SPACA9: variants seen among roughly 807,000 people sequenced by gnomAD.
SPACA9 encodes the protein sperm acrosome-associated protein 9.
A neutral mutation model predicts 12.5 loss-of-function variants in SPACA9; 14 were observed. That is an observed-to-expected ratio of 1.12 (90% CI 0.74 to 1.75). The LOEUF (loss-of-function observed/expected upper bound fraction) is 1.75, where lower values mean the gene tolerates loss of function less well. Among genes scored for constraint, SPACA9 ranks in the 40% most tolerant of loss-of-function variants. SPACA9 has a pLI of 0.00. For synonymous variants in SPACA9, 111 were observed against 114.1 expected (o/e 0.97, Z 0.17); for missense variants, 292 against 291.9 (o/e 1.00, Z 0.00).
chr9:132,888,454 C>T lies in SPACA9; in HGVS notation c.512C>T (p.Ala171Val), dbSNP rs113506942. ...CTGCAGCACGTGAGTGAGCCCCAGG[C>T]GCACCAGGAGAGCACCAGGGGAGCC... is the stretch of plus-strand genomic sequence containing the variant. ...KVLQHVSEPQ[A>V]HQESTRGAAR... is the part of the protein sequence containing the mutation. Residue 171 changes from alanine (A) to valine (V), a missense_variant, in exon 4 of 4, where the codon GCG becomes GTG. Coordinates refer to ENST00000356311, the MANE Select transcript of SPACA9 (RefSeq NM_001316897.2). The surrounding 1 kb of genome is among the most constrained non-coding windows in gnomAD (Gnocchi z 5.0). The T allele has an allele frequency of 1.7e-5, 27 of 1,613,116 alleles. No individual in the cohort carries two copies. Among genetic ancestry groups the T allele is most frequent in the Admixed American group, 5.0e-5 (3 of 59,982 alleles).
In SPACA9 at chr9:132,887,361, C is replaced by T. The variant is rs918421026; in HGVS notation, c.145-8C>T. On this transcript the variant is annotated splice_polypyrimidine_tract_variant and splice_region_variant and intron_variant, in intron 2 of 3. Coordinates refer to ENST00000356311, the MANE Select transcript of SPACA9 (RefSeq NM_001316897.2). The surrounding 1 kb of genome is among the most constrained non-coding windows in gnomAD (Gnocchi z 5.4). Reference sequence around the variant, plus strand: ...TGTCCCCAGCTCATGTGGCGGCGGCCCTTGCAGGTGCAGAGCTACATGGAA... The same window carrying T: ...TGTCCCCAGCTCATGTGGCGGCGGCTCTTGCAGGTGCAGAGCTACATGGAA... 1.2e-5 allele frequency: 19 copies of T among 1,609,242 alleles called. No individual in the cohort carries two copies. The African/African-American group carries it at 2.1e-4, about 18-fold the overall frequency.
Position 132,883,956 on chromosome 9 carries a change from G to C in SPACA9, c.9G>C (p.Glu3Asp), listed in dbSNP as rs1237963888. The change falls in exon 2 of 4, where the codon GAG (glutamate) becomes GAC (aspartate). Residue 3 changes from glutamate to aspartate, a missense_variant. Physicochemically the swap from Glu to Asp is conservative, Grantham distance 45 (BLOSUM62 2). Transcript: ENST00000356311. MN[E>D]VKESLRSIEQ... ...GACCACAGAGGAAGACAATGAATGA[G>C]GTGAAAGAATCCCTTCGCAGCATCG... 1.2e-6 allele frequency: 2 copies of C among 1,614,032 alleles called. No homozygotes were observed. The highest frequency in any genetic ancestry group is 2.2e-5 in the South Asian group (2 of 91,074).
At chr9:132,881,740 C>G (rs1168323040) in intron 1 of SPACA9, among the ~76,000 whole-genome samples, 1 of 151,492 alleles carries the variant, frequency 6.6e-6, no homozygotes, top group Non-Finnish European at 1.5e-5. Context: ...TGGCTCACTG[C>G]AGCCTTGACC....
Position 132,889,574 on chromosome 9 carries a change from TTATA to T in SPACA9, c.*975_*978del. 3 of 334,742 alleles carry T rather than the reference TTATA, an allele frequency of 9.0e-6. No homozygotes were observed. The highest frequency in any genetic ancestry group is 1.3e-5 in the Non-Finnish European group (3 of 236,264). The allele number at this position is 334,742 out of a possible 1,614,324, so 20.7% of individuals were successfully genotyped here. Reference sequence around the variant, plus strand: ...GCGCCCACCACCCCACCTGGCTAATTTATATATATATATATTTTTTAGTAGAGAC... The same window carrying T: ...GCGCCCACCACCCCACCTGGCTAATTTATATATATATTTTTTAGTAGAGAC... On this transcript the variant is annotated 3_prime_UTR_variant, in exon 4 of 4. Transcript: ENST00000356311.
chr9:132,889,303 T>C lies in SPACA9; in HGVS notation c.*692T>C. 1.0e-6 allele frequency: 1 copy of C among 985,726 alleles called. No individual in the cohort carries two copies. 61.1% of individuals were successfully genotyped at this position (985,726 alleles called of 1,614,324 possible). A position where few individuals can be genotyped will look rare whatever the true frequency, so the allele number is the denominator to read the frequency against. ...ATCAAGCTGGAGACCATCTGCTCCT[T>C]GCCCCACCACCAGCCCCAACTGTAG... On this transcript the variant is annotated 3_prime_UTR_variant, in exon 4 of 4. Coordinates refer to ENST00000356311, the MANE Select transcript of SPACA9 (RefSeq NM_001316897.2).
chr9:132,888,788 G>A lies in SPACA9; in HGVS notation c.*177G>A. On this transcript the variant is annotated 3_prime_UTR_variant, in exon 4 of 4. Transcript: ENST00000356311. The surrounding 1 kb of genome is among the most constrained non-coding windows in gnomAD (Gnocchi z 5.0). ...TTGCTTTAACTTCTTTTTTTTTTGA[G>A]ACGGAGTCTCGCTCTGTCGCCCAGG... 1.5e-6 allele frequency: 2 copies of A among 1,357,106 alleles called. No individual in the cohort carries two copies. The highest frequency in any genetic ancestry group is 1.9e-6 in the Non-Finnish European group (2 of 1,048,766). The allele number at this position is 1,357,106 out of a possible 1,614,324, so 84.1% of individuals were successfully genotyped here. A position where few individuals can be genotyped will look rare whatever the true frequency, so the allele number is the denominator to read the frequency against.
Position 132,887,945 on chromosome 9 carries a change from G to A in SPACA9, c.348-345G>A, listed in dbSNP as rs113435170. On this transcript the variant is annotated intron_variant, in intron 3 of 3. Coordinates refer to ENST00000356311, the MANE Select transcript of SPACA9 (RefSeq NM_001316897.2). This position sits in a 1 kb window ranked among gnomAD's most constrained non-coding sequence, Gnocchi z 5.4. ...GAGGGCTCCTCATCCTGACAGCCCG[G>A]GAGCCTGCAGCACAGTGGGCCAGAG... 1.5e-3 allele frequency among the ~76,000 whole-genome samples: 224 copies of A among 152,272 alleles called. 2 individuals carry two copies. The highest frequency in any genetic ancestry group is 2.8e-3 in the Non-Finnish European group (191 of 68,018).
intron 1 of SPACA9, among the ~76,000 whole-genome samples, chr9:132,879,609 C>T (rs1844327740): frequency 6.6e-6 from 1 of 152,176 alleles, no homozygotes; most frequent in Non-Finnish European, 1.5e-5. Flanking sequence ...GAAATAGGCA[C>T]CTTCATTCCC....
At chr9:132,878,701 A>AG (rs1844274814), upstream of SPACA9, 7 of 987,428 alleles carry the variant, frequency 7.1e-6, no homozygotes, top group Non-Finnish European at 8.4e-6. The surrounding 1 kb of genome is among the most constrained non-coding windows in gnomAD (Gnocchi z 4.7). Context: ...TTGAAGGGGG[A>AG]GGGGCGTCCA....
intron 1 of SPACA9, among the ~76,000 whole-genome samples, chr9:132,882,367 G>A (rs538194164): frequency 3.3e-5 from 5 of 152,060 alleles, no homozygotes; most frequent in South Asian, 4.1e-4. Flanking sequence ...CCATCATCTC[G>A]CGGAGGCCAT....
At chr9:132,890,052 T>C, downstream of SPACA9, 2 of 1,367,018 alleles carry the variant, frequency 1.5e-6, no homozygotes, top group Non-Finnish European at 1.9e-6. Flanking sequence ...CTTGGTTTCC[T>C]GGGATTTATC....
Position 132,888,607 on chromosome 9 carries a change from T to A in SPACA9, c.665T>A (p.Leu222Ter). Residue 222 changes from leucine to a stop codon, truncating the protein, a stop_gained, in exon 4 of 4, where the codon TTG becomes TAG. Transcript: ENST00000356311. LOFTEE classifies it high-confidence loss of function. This position sits in a 1 kb window ranked among gnomAD's most constrained non-coding sequence, Gnocchi z 5.0. ...KPPWRPPGGK[L>*] ...CCCTGGAGGCCTCCTGGTGGGAAAT[T>A]GTAACTCAGAGCCAGGAGCTCCGTC... is the stretch of plus-strand genomic sequence containing the variant. 1 of 1,529,164 alleles carries A rather than the reference T, an allele frequency of 6.5e-7. No individual in the cohort carries two copies. The highest frequency in any genetic ancestry group is 8.8e-7 in the Non-Finnish European group (1 of 1,135,704). The allele number at this position is 1,529,164 out of a possible 1,614,324, so 94.7% of individuals were successfully genotyped here.
At chr9:132,884,244 TC>T (rs1038785076) in intron 2 of SPACA9, among the ~76,000 whole-genome samples, 153 bp downstream of exon 2, 3 of 152,206 alleles carry the variant, frequency 2.0e-5, no homozygotes, top group African/African-American at 7.2e-5. Flanking sequence ...AGTCCTTCAT[TC>T]GTTTCTCTAC....
At chr9:132,881,524 C>T (rs1176940328) in intron 1 of SPACA9, among the ~76,000 whole-genome samples, 2 of 150,862 alleles carry the variant, frequency 1.3e-5, no homozygotes, top group South Asian at 2.2e-4. Flanking sequence ...CCAGCACTTT[C>T]GGAGGCTGAG....
rs922853732 is a variant in SPACA9 at position 132,885,069 on chromosome 9, C to T, written c.144+978C>T. On this transcript the variant is annotated intron_variant, in intron 2 of 3. Coordinates refer to ENST00000356311, the MANE Select transcript of SPACA9 (RefSeq NM_001316897.2). Reference sequence around the variant, plus strand: ...TGGAGGTTGCAGTGAGCCGATATTGCGCCACTGTACTCCAGCCTGGGCGAC... The same window carrying T: ...TGGAGGTTGCAGTGAGCCGATATTGTGCCACTGTACTCCAGCCTGGGCGAC... 5.9e-5 allele frequency among the ~76,000 whole-genome samples: 9 copies of T among 151,840 alleles called. No individual in the cohort carries two copies. The East Asian group carries it at 1.4e-3, about 23-fold the overall frequency.
rs929579936 is a variant in SPACA9 at position 132,887,796 on chromosome 9, C to T, written c.347+225C>T. Among the ~76,000 whole-genome samples the T allele has an allele frequency of 1.3e-5, 2 of 152,152 alleles. No individual in the cohort carries two copies. The highest frequency in any genetic ancestry group is 6.5e-5 in the Admixed American group (1 of 15,286). ...CCAGGTGTCTCACGGGTGTTAGCAC[C>T]AGGCAGGTGGAGAAGGGGGTGTAGA... On this transcript the variant is annotated intron_variant, in intron 3 of 3. Coordinates refer to ENST00000356311, the MANE Select transcript of SPACA9 (RefSeq NM_001316897.2). The surrounding 1 kb of genome is among the most constrained non-coding windows in gnomAD (Gnocchi z 5.4).
rs149667641 is a variant in SPACA9, at chr9:132,887,557, C to T, written c.333C>T (p.Ser111=). The change falls in exon 3 of 4, where the codon AGC becomes AGT. Residue 111 remains serine, a synonymous_variant. Coordinates refer to ENST00000356311, the MANE Select transcript of SPACA9 (RefSeq NM_001316897.2). This position sits in a 1 kb window ranked among gnomAD's most constrained non-coding sequence, Gnocchi z 5.4. ...TCGTTAGCCAAAGCAACGACTTAAG[C>T]AGCCTCAGAGCAAAGTAAGTCCCTC... ...KTLVSQSNDL[S]SLRAKYPHDV... 8.7e-6 allele frequency: 14 copies of T among 1,613,838 alleles called. No individual in the cohort carries two copies. Among genetic ancestry groups the T allele is most frequent in the Non-Finnish European group, 1.1e-5 (13 of 1,179,982 alleles).
chr9:132,886,518 GTGGT>G (rs1844568204), intron 2 of SPACA9, among the ~76,000 whole-genome samples: 1 of 152,232 alleles, frequency 6.6e-6, no homozygotes, highest in Non-Finnish European at 1.5e-5. Flanking sequence ...GCTTTAGGCG[GTGGT>G]TGGTTCAGGT....
At position 132,883,945 on chromosome 9, in the gene SPACA9, A is replaced by C; in HGVS notation, c.-3A>C. The stretch of plus-strand genomic sequence containing the variant: ...CTCCTGTAAATGACCACAGAGGAAG[A>C]CAATGAATGAGGTGAAAGAATCCCT... On this transcript the variant is annotated 5_prime_UTR_variant, in exon 2 of 4. Transcript: ENST00000356311. 1 of 1,614,184 alleles carries C rather than the reference A, an allele frequency of 6.2e-7. No individual in the cohort carries two copies. Among genetic ancestry groups the C allele is most frequent in the Non-Finnish European group, 8.5e-7 (1 of 1,179,974 alleles).
Sources: gnomAD v4.1 joint callset for allele counts (sites outside exome capture counted in the v4.1 genomes callset) on GRCh38, gnomAD v4.1.1 for gene constraint, Gnocchi (gnomAD v3.1) non-coding constraint, MANE v1.5 for transcripts, NCBI Gene and HGNC (gene_info 2026-07-23, HGNC 2026-07-21) for gene names.